The following PLXNC1 variants were observed in gnomAD, a reference collection of about 807,000 sequenced individuals.
PLXNC1 encodes plexin C1, also known as plexin-C1.
PLXNC1 carries 75 observed loss-of-function variants against 178.2 expected under a neutral mutation model. The ratio of observed to expected loss-of-function variants is 0.42; its 90% confidence interval spans 0.35 to 0.51. The LOEUF (loss-of-function observed/expected upper bound fraction) is 0.51, where lower values mean the gene tolerates loss of function less well. Ranked by LOEUF, PLXNC1 falls within the 20% of genes least tolerant of loss-of-function variation. The pLI, the probability that PLXNC1 is intolerant of heterozygous loss-of-function variation, is 0.02. For missense variants in PLXNC1, 1,503 were observed against 1,984.4 expected, an observed-to-expected ratio of 0.76 and a Z score of 4.61; for synonymous variants, 790 against 779.9, an observed-to-expected ratio of 1.01 and a Z score of -0.22.
At position 94,228,332 on chromosome 12, in the gene PLXNC1, A is replaced by G. The variant is rs144483416; in HGVS notation, c.1980+1097A>G. Among the ~76,000 whole-genome samples the G allele has an allele frequency of 1.5e-3, 230 of 152,366 alleles. 1 individual carries two copies. Among genetic ancestry groups the G allele is most frequent in the African/African-American group, 5.5e-3 (227 of 41,600 alleles). On this transcript the variant is annotated intron_variant, in intron 9 of 30. Transcript: ENST00000258526. ...AGACACAGCGACAAGGACTTGGATC[A>G]GGAAGACAGTGGCTTTGTGGCTTTT...
chr12:94,214,673 TAAAAC>T (rs1288907909), intron 5 of PLXNC1, among the ~76,000 whole-genome samples: 1 of 152,216 alleles, frequency 6.6e-6, no homozygotes, highest in Admixed American at 6.5e-5. Context: ...ACATGTTAAA[TAAAAC>T]AAACTTTTAA....
Position 94,260,580 on chromosome 12 carries a change from A to G in PLXNC1, c.3252-62A>G. 8.0e-7 allele frequency: 1 copy of G among 1,242,818 alleles called. No homozygotes were observed. Among genetic ancestry groups the G allele is most frequent in the South Asian group, 1.3e-5 (1 of 76,994 alleles). The allele number at this position is 1,242,818 out of a possible 1,614,324, so 77.0% of individuals were successfully genotyped here. ...GCCCTGCCAGTGAGCTTCCATGGAAACTCCCATGGGTGTCCAGCTAGGCCT... is the reference window on the plus strand; with the variant it reads ...GCCCTGCCAGTGAGCTTCCATGGAAGCTCCCATGGGTGTCCAGCTAGGCCT... On this transcript the variant is annotated intron_variant, in intron 19 of 30. Coordinates refer to ENST00000258526, the MANE Select transcript of PLXNC1 (RefSeq NM_005761.3). The surrounding 1 kb of genome is among the most constrained non-coding windows in gnomAD (Gnocchi z 4.4).
chr12:94,262,144 C>T (rs1211197159), intron 20 of PLXNC1, among the ~76,000 whole-genome samples: 2 of 152,196 alleles, frequency 1.3e-5, no homozygotes, highest in Non-Finnish European at 2.9e-5. Context: ...CACAGTCTCA[C>T]TGGATCAGAA....
chr12:94,218,372 G>C (rs1353836816), intron 5 of PLXNC1, among the ~76,000 whole-genome samples: 2 of 152,204 alleles, frequency 1.3e-5, no homozygotes, highest in Non-Finnish European at 2.9e-5. Context: ...CAGGGAGACA[G>C]CAGAGTCTTA....
chr12:94,239,930 A>G (rs1188845807), intron 10 of PLXNC1, among the ~76,000 whole-genome samples: 4 of 152,026 alleles, frequency 2.6e-5, no homozygotes, highest in Non-Finnish European at 4.4e-5. Flanking sequence ...TAAGCTTTTT[A>G]TTATGGAAAC....
In PLXNC1 at chr12:94,294,590, G is replaced by A. The variant is rs1348308037; in HGVS notation, c.3934+50G>A. On this transcript the variant is annotated intron_variant, in intron 24 of 30. Coordinates refer to ENST00000258526, the MANE Select transcript of PLXNC1 (RefSeq NM_005761.3). ...TTTTGTTCTCACCCAGCTTCATAAA[G>A]TATTGCTTTTTGCCTCTCTCAGCTG... is the stretch of plus-strand genomic sequence containing the variant. 3.6e-6 allele frequency: 3 copies of A among 831,608 alleles called. No individual in the cohort carries two copies. The East Asian group carries it at 8.0e-5, about 22-fold the overall frequency. 51.5% of individuals were successfully genotyped at this position (831,608 alleles called of 1,614,324 possible). A position where few individuals can be genotyped will look rare whatever the true frequency, so the allele number is the denominator to read the frequency against.
intron 1 of PLXNC1, among the ~76,000 whole-genome samples, chr12:94,163,822 CGG>C (rs1360195675): frequency 6.6e-6 from 1 of 152,092 alleles, no homozygotes; most frequent in Non-Finnish European, 1.5e-5. Context: ...AGTCAGATCC[CGG>C]TCAACACTGT....
intron 6 of PLXNC1, 102 bp downstream of exon 6, chr12:94,220,265 A>C (rs150484137): frequency 8.8e-7 from 1 of 1,137,220 alleles, no homozygotes; most frequent in East Asian, 2.4e-5. Context: ...CCCCCTCTGT[A>C]GACTCACTCC....
chr12:94,268,526 A>G (rs1965377248), intron 21 of PLXNC1, among the ~76,000 whole-genome samples: 1 of 150,290 alleles, frequency 6.7e-6, no homozygotes, highest in Admixed American at 6.6e-5. Flanking sequence ...GTGCACACAC[A>G]GGACTTTAGT....
chr12:94,263,277 C>CT (rs753869284), intron 20 of PLXNC1, among the ~76,000 whole-genome samples: 10 of 151,852 alleles, frequency 6.6e-5, no homozygotes, highest in Non-Finnish European at 1.2e-4. Context: ...GATGGCAGCT[C>CT]TGTAGGTCTA....
At chr12:94,289,699 G>A (rs1010302593) in intron 23 of PLXNC1, among the ~76,000 whole-genome samples, 1 of 152,130 alleles carries the variant, frequency 6.6e-6, no homozygotes, top group Admixed American at 6.5e-5. Flanking sequence ...CAGCTGACTT[G>A]TGCTAAAAAG....
Position 94,301,622 on chromosome 12 carries a change from G to A in PLXNC1, c.4386+565G>A, listed in dbSNP as rs548422425. Among the ~76,000 whole-genome samples, 12 of 152,190 alleles carry A rather than the reference G, an allele frequency of 7.9e-5. No individual in the cohort carries two copies. In the South Asian group the frequency reaches 1.9e-3, roughly 24 times the overall value. ...AGAGATGTTTTGGTCTTATTTGAGC[G>A]CTCCAAAATATACTAAACTGAGCAA... On this transcript the variant is annotated intron_variant, in intron 28 of 30. Coordinates refer to ENST00000258526, the MANE Select transcript of PLXNC1 (RefSeq NM_005761.3).
At chr12:94,261,028 A>G (rs1463451564) in intron 20 of PLXNC1, among the ~76,000 whole-genome samples, 188 bp downstream of exon 20, 2 of 152,230 alleles carry the variant, frequency 1.3e-5, no homozygotes, top group African/African-American at 4.8e-5. Context: ...CAACTGGCCT[A>G]TGCAAATGTA....
At chr12:94,190,900 C>G (rs1413138813) in intron 4 of PLXNC1, among the ~76,000 whole-genome samples, 7 of 152,220 alleles carry the variant, frequency 4.6e-5, no homozygotes, top group Admixed American at 1.3e-4. Context: ...TCTTTCTTGA[C>G]GGTCTGGTCC....
intron 9 of PLXNC1, among the ~76,000 whole-genome samples, chr12:94,231,812 C>T (rs778097290): frequency 6.6e-6 from 1 of 152,092 alleles, no homozygotes; most frequent in Non-Finnish European, 1.5e-5. Context: ...GACCGTTGGC[C>T]CTTTTACCCT....
rs74742123 is a variant in PLXNC1, at chr12:94,257,329, G to C, written c.3088-2008G>C. 9.5e-3 allele frequency among the ~76,000 whole-genome samples: 1,445 copies of C among 152,306 alleles called. 10 individuals are homozygous for C. The highest frequency in any genetic ancestry group is 0.051 in the Middle Eastern group (15 of 294). ...AAAGGAGGCCAGGGTTCTTTGCTCT[G>C]CCTGTCGGTTTTGGCTTTTAAAGCC... On this transcript the variant is annotated intron_variant, in intron 17 of 30. Transcript: ENST00000258526.
intron 4 of PLXNC1, among the ~76,000 whole-genome samples, chr12:94,192,726 A>G (rs1168914076): frequency 6.6e-6 from 1 of 152,118 alleles, no homozygotes; most frequent in Non-Finnish European, 1.5e-5. Flanking sequence ...GCTGACTAAT[A>G]TTCCATTGAT....
At chr12:94,241,628 C>G (rs1027925318) in intron 11 of PLXNC1, among the ~76,000 whole-genome samples, 3 of 152,164 alleles carry the variant, frequency 2.0e-5, no homozygotes, top group Non-Finnish European at 4.4e-5. Flanking sequence ...TCTTTCTGTG[C>G]CTGGCTTATT....
chr12:94,192,314 A>G (rs1359440613), intron 4 of PLXNC1, among the ~76,000 whole-genome samples: 2 of 152,052 alleles, frequency 1.3e-5, no homozygotes, highest in African/African-American at 4.8e-5. Context: ...CATTCATTCA[A>G]TCCTACATCC....
Sources: gnomAD v4.1 joint callset for allele counts (sites outside exome capture counted in the v4.1 genomes callset) on GRCh38, gnomAD v4.1.1 for gene constraint, Gnocchi (gnomAD v3.1) non-coding constraint, MANE v1.5 for transcripts, NCBI Gene and HGNC (gene_info 2026-07-23, HGNC 2026-07-21) for gene names.